The following MCC variants were observed in gnomAD, a reference collection of about 807,000 sequenced individuals.
The protein encoded by MCC is colorectal mutant cancer protein.
MCC carries 90 observed loss-of-function variants against 116.2 expected under a neutral mutation model. The observed-to-expected ratio is 0.77, with a 90% CI of 0.65 to 0.92. The LOEUF (loss-of-function observed/expected upper bound fraction) is 0.92. Ranked by LOEUF, MCC falls within the 40% of genes least tolerant of loss-of-function variation. The probability of loss-of-function intolerance (pLI) is 0.00; values close to 1 mark genes in which losing one functional copy is unlikely to be tolerated. For synonymous variants in MCC, 578 were observed against 510.5 expected, an observed-to-expected ratio of 1.13 and a Z score of -1.78; for missense variants, 1,516 against 1,312.2, an observed-to-expected ratio of 1.16 and a Z score of -2.40.
intron 1 of MCC, among the ~76,000 whole-genome samples, chr5:113,405,606 T>C (rs1413328089): frequency 1.3e-5 from 2 of 151,862 alleles, no homozygotes; most frequent in African/African-American, 4.8e-5. Flanking sequence ...CTGGGCAACA[T>C]AGGGAGACAT....
intron 2 of MCC, among the ~76,000 whole-genome samples, chr5:113,371,880 A>G (rs1429626914): frequency 6.6e-6 from 1 of 152,232 alleles, no homozygotes; most frequent in Non-Finnish European, 1.5e-5. Context: ...ACAATGGACA[A>G]TGGAATAGTC....
intron 2 of MCC, among the ~76,000 whole-genome samples, chr5:113,344,670 T>C (rs565752408): frequency 8.9e-4 from 135 of 152,014 alleles, no homozygotes; most frequent in African/African-American, 3.2e-3. Context: ...CAGACATTTG[T>C]AGACATACCC....
chr5:113,188,447 G>C (rs1762004581), intron 3 of MCC, among the ~76,000 whole-genome samples: 1 of 152,232 alleles, frequency 6.6e-6, no homozygotes, highest in African/African-American at 2.4e-5. Flanking sequence ...CAGCCACAGT[G>C]ACTGCAGGGG....
At chr5:113,156,041 C>A (rs1446996224) in intron 3 of MCC, among the ~76,000 whole-genome samples, 2 of 152,180 alleles carry the variant, frequency 1.3e-5, no homozygotes. Context: ...ATGGATGGAG[C>A]TCTAGCAGCC....
chr5:113,450,765 G>A (rs1580391728), intron 1 of MCC, among the ~76,000 whole-genome samples: 1 of 152,178 alleles, frequency 6.6e-6, no homozygotes, highest in African/African-American at 2.4e-5. Context: ...ACTCTCCAGA[G>A]GGAACAGTTC....
At chr5:113,184,489 T>G (rs961111866) in intron 3 of MCC, among the ~76,000 whole-genome samples, 6 of 148,872 alleles carry the variant, frequency 4.0e-5, no homozygotes, top group Non-Finnish European at 3.0e-5. Flanking sequence ...GTTTTTTTTT[T>G]TTTTTTTTGG....
chr5:113,104,716 A>T (rs953209970), intron 6 of MCC: 2 of 173,494 alleles, frequency 1.2e-5, no homozygotes, highest in African/African-American at 4.7e-5. Context: ...CTGCAGAAAG[A>T]TCCCATAACT....
intron 16 of MCC, 159 bp downstream of exon 16, chr5:113,048,934 C>A: frequency 1.5e-6 from 1 of 676,446 alleles, no homozygotes; most frequent in South Asian, 1.8e-5. Flanking sequence ...TTTCATTACA[C>A]TCAAAATGTC....
chr5:113,263,852 C>A (rs146851935), intron 3 of MCC, among the ~76,000 whole-genome samples: 1 of 148,772 alleles, frequency 6.7e-6, no homozygotes, highest in Non-Finnish European at 1.5e-5. Flanking sequence ...TTCATCATGG[C>A]AATAGCAAAA....
chr5:113,145,885 C>A (rs1759487174), intron 4 of MCC, among the ~76,000 whole-genome samples: 1 of 152,030 alleles, frequency 6.6e-6, no homozygotes, highest in East Asian at 1.9e-4. Flanking sequence ...CCTTCCCCTG[C>A]CTCTAACTGA....
chr5:113,213,596 A>G (rs914676386), intron 3 of MCC, among the ~76,000 whole-genome samples: 1 of 152,188 alleles, frequency 6.6e-6, no homozygotes, highest in African/African-American at 2.4e-5. Context: ...CTACACTGAC[A>G]AGCGGCTTTG....
At chr5:113,125,168 G>T (rs919856993) in intron 5 of MCC, among the ~76,000 whole-genome samples, 1 of 152,136 alleles carries the variant, frequency 6.6e-6, no homozygotes, top group East Asian at 1.9e-4. Context: ...ATATTGCACC[G>T]GAGGATGCAA....
chr5:113,051,195 A>G (rs1430399819), intron 15 of MCC, among the ~76,000 whole-genome samples: 4 of 152,122 alleles, frequency 2.6e-5, no homozygotes, highest in Admixed American at 6.5e-5. Flanking sequence ...CAGGATCCTC[A>G]GGGCCCCACG....
chr5:113,276,714 C>T (rs1484017742), intron 3 of MCC, among the ~76,000 whole-genome samples: 5 of 152,080 alleles, frequency 3.3e-5, no homozygotes, highest in Non-Finnish European at 7.4e-5. Flanking sequence ...GGGGCCTCGA[C>T]TTTCCAGGCT....
At chr5:113,207,609 C>A (rs978054040) in intron 3 of MCC, among the ~76,000 whole-genome samples, 1 of 152,124 alleles carries the variant, frequency 6.6e-6, no homozygotes, top group Non-Finnish European at 1.5e-5. Context: ...CTACAGTGAG[C>A]CCAGCACTTT....
chr5:113,323,489 G>A (rs958177745), intron 3 of MCC, among the ~76,000 whole-genome samples: 38 of 152,146 alleles, frequency 2.5e-4, no homozygotes, highest in Admixed American at 1.3e-4. Flanking sequence ...GGCAGTGGTG[G>A]TAGGAAGAAC....
intron 11 of MCC, among the ~76,000 whole-genome samples, chr5:113,076,264 A>G (rs557957362): frequency 2.6e-5 from 4 of 152,332 alleles, no homozygotes; most frequent in East Asian, 1.9e-4. Context: ...AACGTCCCCA[A>G]CCTAGCAAGG....
At chr5:113,128,100 T>C (rs556045398) in intron 5 of MCC, among the ~76,000 whole-genome samples, 6 of 152,364 alleles carry the variant, frequency 3.9e-5, no homozygotes, top group African/African-American at 1.4e-4. Flanking sequence ...GAAGTATAAT[T>C]CTTACTATGC....
In MCC at chr5:113,169,528, A is replaced by G. The variant is rs140031634; in HGVS notation, c.628-18106T>C. Among the ~76,000 whole-genome samples, 303 of 152,180 alleles carry G rather than the reference A, an allele frequency of 2.0e-3. 2 individuals carry two copies. The highest frequency in any genetic ancestry group is 0.014 in the Middle Eastern group (4 of 294). ...GGAGATGAGGTGTGCACTGAGAAACAAGTAAAGGTTGTTCTTGAAAAAATG... is the reference window on the plus strand; with the variant it reads ...GGAGATGAGGTGTGCACTGAGAAACGAGTAAAGGTTGTTCTTGAAAAAATG... On this transcript the variant is annotated intron_variant, in intron 3 of 18. Coordinates refer to ENST00000408903, the MANE Select transcript of MCC (RefSeq NM_001085377.2).
Sources: gnomAD v4.1 joint callset for allele counts (sites outside exome capture counted in the v4.1 genomes callset) on GRCh38, gnomAD v4.1.1 for gene constraint, MANE v1.5 for transcripts, NCBI Gene and HGNC (gene_info 2026-07-23, HGNC 2026-07-21) for gene names.